The following MROH2B variants were observed in gnomAD, a reference collection of about 807,000 sequenced individuals.
The protein encoded by MROH2B is maestro heat-like repeat-containing protein family member 2B.
Under a neutral mutation model 208.6 loss-of-function variants are expected in MROH2B, and 177 were observed. The observed-to-expected ratio is 0.85, with a 90% confidence interval of 0.75 to 0.96. The LOEUF (loss-of-function observed/expected upper bound fraction) is 0.96, where lower values mean the gene tolerates loss of function less well. MROH2B is among the 40% of genes least tolerant of loss of function. MROH2B has a pLI of 0.00. For missense variants in MROH2B, 2,002 were observed against 1,878.7 expected (o/e 1.07, Z -1.21); for synonymous variants, 728 against 659.0 (o/e 1.10, Z -1.60).
At position 41,058,152 on chromosome 5, in the gene MROH2B, G is replaced by T. The variant is rs767719732; in HGVS notation, c.667C>A (p.Arg223=). The stretch of plus-strand genomic sequence containing the variant: ...AGGGCGTATCCACGGAAGTCTTCCC[G>T]ATGCAGCAGCAAGCTCACCGTGGGC... The part of the protein sequence containing the change: ...HGPTVSLLLH[R]EDFRGYALGQ... The change falls in exon 7 of 42, where the codon CGG becomes AGG. Residue 223 remains arginine (R), a synonymous_variant. Transcript: ENST00000399564. 1.9e-6 allele frequency: 3 copies of T among 1,606,406 alleles called. No homozygotes were observed. The highest frequency in any genetic ancestry group is 1.1e-5 in the South Asian group (1 of 89,472).
chr5:41,068,362 G>A (rs1307838707), intron 2 of MROH2B, among the ~76,000 whole-genome samples: 2 of 152,096 alleles, frequency 1.3e-5, no homozygotes, highest in African/African-American at 4.8e-5. Flanking sequence ...TCTTTGGCAA[G>A]GCTACCATTT....
At chr5:41,018,072 T>C in intron 27 of MROH2B, 102 bp from the exon 28 acceptor site, 13 of 1,419,822 alleles carry the variant, frequency 9.2e-6, no homozygotes, top group East Asian at 2.5e-5. Context: ...TCTCTGCAGG[T>C]CCTTAGAATG....
At chr5:41,015,315 T>C (rs1015479171) in intron 29 of MROH2B, 66 bp downstream of exon 29, 17 of 1,376,258 alleles carry the variant, frequency 1.2e-5, no homozygotes, top group East Asian at 6.9e-5. Context: ...GTGGGGAGTA[T>C]GTAGCTTACT....
intron 18 of MROH2B, among the ~76,000 whole-genome samples, chr5:41,044,107 G>A (rs991202665): frequency 7.9e-5 from 12 of 151,206 alleles, no homozygotes; most frequent in African/African-American, 2.7e-4. Flanking sequence ...AAAATTAGCC[G>A]GGTGTGGTGG....
At chr5:41,012,474 G>A (rs1741803821) in intron 30 of MROH2B, 109 bp downstream of exon 30, 25 of 1,213,354 alleles carry the variant, frequency 2.1e-5, no homozygotes, top group Non-Finnish European at 2.5e-5. Context: ...TTGAGGTTGT[G>A]CAAGCCTTTG....
chr5:41,065,375 T>C lies in MROH2B; in HGVS notation c.317A>G (p.Asp106Gly), dbSNP rs375621033. The change falls in exon 4 of 42, where the codon GAT (aspartate) becomes GGT (glycine). Residue 106 changes from aspartate (D) to glycine (G), a missense_variant. Physicochemically the swap from Asp to Gly is moderately conservative, Grantham distance 94 (BLOSUM62 -1). Transcript: ENST00000399564. ...QSNFRILELP[D>G]EFVVLALAEL... ...AGCCAGGGCAAGCACAACGAATTCA[T>C]CTGGTAGCTCTAAGATCCTGAAGTT... 73 of 1,613,266 alleles carry C rather than the reference T, an allele frequency of 4.5e-5. No homozygotes were observed. Among genetic ancestry groups the C allele is most frequent in the Non-Finnish European group, 5.6e-5 (66 of 1,179,598 alleles).
chr5:41,026,981 C>G (rs1288991811), intron 24 of MROH2B, among the ~76,000 whole-genome samples: 1 of 152,106 alleles, frequency 6.6e-6, no homozygotes. Context: ...AACTGGCTAG[C>G]CATATGTAGA....
intron 21 of MROH2B, among the ~76,000 whole-genome samples, chr5:41,038,179 G>C (rs1579937634): frequency 6.6e-6 from 1 of 152,160 alleles, no homozygotes. Context: ...GTGAGACACT[G>C]TTCAAGGTAG....
chr5:41,024,470 A>G (rs1047321736), intron 24 of MROH2B, among the ~76,000 whole-genome samples: 1 of 152,220 alleles, frequency 6.6e-6, no homozygotes, highest in Non-Finnish European at 1.5e-5. Flanking sequence ...GGATCAATTC[A>G]ACAAGAAGAG....
chr5:41,057,099 C>G lies in MROH2B; in HGVS notation c.919+10G>C. On this transcript the variant is annotated intron_variant, in intron 9 of 41. Transcript: ENST00000399564. ...ATTTTTATTAAAAGCCTTCTGGATG[C>G]TGGTCCTACCTAGAATGAGAAAACA... The G allele has an allele frequency of 6.2e-7, 1 of 1,613,854 alleles. No individual in the cohort carries two copies. The highest frequency in any genetic ancestry group is 1.3e-5 in the African/African-American group (1 of 75,050).
At chr5:41,068,085 G>A (rs1039479239) in intron 2 of MROH2B, among the ~76,000 whole-genome samples, 1 of 152,134 alleles carries the variant, frequency 6.6e-6, no homozygotes, top group Non-Finnish European at 1.5e-5. Flanking sequence ...AAATCTTTTA[G>A]GTGGCTATGT....
At position 41,005,637 on chromosome 5, in the gene MROH2B, G is replaced by A. The variant is rs776680518; in HGVS notation, c.3758C>T (p.Ala1253Val). 3.7e-6 allele frequency: 6 copies of A among 1,609,430 alleles called. No individual in the cohort carries two copies. The highest frequency in any genetic ancestry group is 4.2e-6 in the Non-Finnish European group (5 of 1,177,564). Reference protein sequence around the residue: ...IGVCSLARSMAVWQHGVILDI... With the variant: ...IGVCSLARSMVVWQHGVILDI... Reference sequence around the variant, plus strand: ...CAGTATGACTCCGTGTTGCCACACTGCCATGCTCCTAGAAAATGCACATTT... The same window carrying A: ...CAGTATGACTCCGTGTTGCCACACTACCATGCTCCTAGAAAATGCACATTT... Residue 1253 changes from alanine to valine, a missense_variant, in exon 35 of 42, where the codon GCA becomes GTA. Physicochemically the swap from Ala to Val is moderately conservative, Grantham distance 64. Transcript: ENST00000399564.
intron 33 of MROH2B, 43 bp from the exon 34 acceptor site, chr5:41,007,497 TA>T: frequency 7.0e-7 from 1 of 1,430,086 alleles, no homozygotes; most frequent in African/African-American, 1.4e-5. Flanking sequence ...TTGACCCTTA[TA>T]GGGAATTGCA....
chr5:41,002,336 G>A (rs892053882), intron 37 of MROH2B, among the ~76,000 whole-genome samples: 1 of 152,138 alleles, frequency 6.6e-6, no homozygotes, highest in East Asian at 1.9e-4. Flanking sequence ...TTGAGAACAT[G>A]GAGTCACAGA....
chr5:41,022,656 C>T (rs1742192033), intron 24 of MROH2B, among the ~76,000 whole-genome samples: 1 of 152,224 alleles, frequency 6.6e-6, no homozygotes, highest in Non-Finnish European at 1.5e-5. Context: ...CAGCAGAAAC[C>T]TCTGCAGACT....
chr5:41,057,209 G>A (rs1441308356), intron 8 of MROH2B, 31 bp from the exon 9 acceptor site: 1 of 1,612,892 alleles, frequency 6.2e-7, no homozygotes, highest in African/African-American at 1.3e-5. Context: ...GGTGGTAGAT[G>A]TTAAACACAG....
At chr5:41,014,054 G>C (rs951649731) in intron 29 of MROH2B, among the ~76,000 whole-genome samples, 1 of 152,148 alleles carries the variant, frequency 6.6e-6, no homozygotes, top group African/African-American at 2.4e-5. Flanking sequence ...ACCACTGTTA[G>C]CCTAGAAGAG....
chr5:41,038,700 G>T, intron 21 of MROH2B, 36 bp downstream of exon 21: 1 of 1,567,656 alleles, frequency 6.4e-7, no homozygotes, highest in Non-Finnish European at 8.7e-7. Context: ...AGGAACCCCA[G>T]CCTAGAAATG....
At chr5:41,038,407 A>C (rs1479690267) in intron 21 of MROH2B, among the ~76,000 whole-genome samples, 2 of 152,178 alleles carry the variant, frequency 1.3e-5, no homozygotes, top group Non-Finnish European at 2.9e-5. Context: ...TTAGGAAAGA[A>C]AATAGATTAC....
Sources: allele counts gnomAD v4.1 joint callset (sites outside exome capture counted in the v4.1 genomes callset), GRCh38; gene constraint gnomAD v4.1.1; transcripts MANE v1.5; gene names NCBI Gene and HGNC (gene_info 2026-07-23, HGNC 2026-07-21).